CEP162: variants seen among roughly 807,000 people sequenced by gnomAD.
CEP162 encodes the protein centrosomal protein 162, also known as centrosomal protein of 162 kDa.
Under a neutral mutation model 169.2 loss-of-function variants are expected in CEP162, and 141 were observed. The ratio of observed to expected loss-of-function variants is 0.83; its 90% CI spans 0.73 to 0.96. The LOEUF (loss-of-function observed/expected upper bound fraction) is 0.96. Among genes scored for constraint, CEP162 ranks in the 40% least tolerant of loss-of-function variants. CEP162 has a pLI of 0.00. For missense variants in CEP162, 1,600 were observed against 1,587.2 expected, an observed-to-expected ratio of 1.01 and a Z score of -0.14; for synonymous variants, 540 against 526.4, an observed-to-expected ratio of 1.03 and a Z score of -0.35.
Position 84,161,869 on chromosome 6 carries a change from ATG to A in CEP162, c.2551_2552del (p.His851Ter), listed in dbSNP as rs1365473677. ...TTTGCAGACGACTGATTTCTTGTTT[ATG>A]TGTTTCTTCTAAAATTTTTATTTCA... ...LYEIKILEET[H>X]KQEISRLQKR... On this transcript the variant is annotated frameshift_variant, in exon 20 of 27. Coordinates refer to ENST00000403245, the MANE Select transcript of CEP162 (RefSeq NM_014895.4). LOFTEE classifies it high-confidence loss of function. 3 of 1,568,380 alleles carry A rather than the reference ATG, an allele frequency of 1.9e-6. No homozygotes were observed. The highest frequency in any genetic ancestry group is 4.5e-5 in the East Asian group (2 of 44,204).
chr6:84,170,029 T>C (rs2099529379), intron 17 of CEP162, among the ~76,000 whole-genome samples: 1 of 152,128 alleles, frequency 6.6e-6, no homozygotes, highest in East Asian at 1.9e-4. Context: ...AGAAGCCAAG[T>C]AGTACAAGAT....
intron 2 of CEP162, among the ~76,000 whole-genome samples, chr6:84,224,002 C>G (rs1021563251): frequency 6.6e-6 from 1 of 151,882 alleles, no homozygotes; most frequent in African/African-American, 2.4e-5. Flanking sequence ...GGCAAACACA[C>G]AGCTACCATA....
At chr6:84,169,164 C>G (rs1412319576) in intron 18 of CEP162, among the ~76,000 whole-genome samples, 164 bp downstream of exon 18, 1 of 152,050 alleles carries the variant, frequency 6.6e-6, no homozygotes, top group East Asian at 1.9e-4. Flanking sequence ...CATGTGCATA[C>G]TATATGCTAA....
intron 13 of CEP162, among the ~76,000 whole-genome samples, chr6:84,181,434 A>C (rs2099534781): frequency 6.6e-6 from 1 of 152,230 alleles, no homozygotes; most frequent in Admixed American, 6.5e-5. Context: ...TTCAGGACAT[A>C]GGCATGGGCA....
At chr6:84,219,219 T>G (rs1049379363) in intron 3 of CEP162, 8 of 1,147,456 alleles carry the variant, frequency 7.0e-6, no homozygotes, top group Admixed American at 4.6e-5. Context: ...TAATGCCTAG[T>G]ATTTAGAACA....
At chr6:84,149,512 G>A in intron 24 of CEP162, 50 bp downstream of exon 24, 1 of 1,445,386 alleles carries the variant, frequency 6.9e-7, no homozygotes, top group Non-Finnish European at 9.2e-7. Context: ...TCTCATTAAA[G>A]TCAAAACGAG....
chr6:84,222,404 C>T (rs535099346), intron 2 of CEP162, among the ~76,000 whole-genome samples: 3 of 152,258 alleles, frequency 2.0e-5, no homozygotes, highest in African/African-American at 7.2e-5. Flanking sequence ...TGGCTTTTTG[C>T]CCATTTATTT....
chr6:84,146,925 A>AAATT, intron 24 of CEP162, 140 bp from the exon 25 acceptor site: 1 of 428,208 alleles, frequency 2.3e-6, no homozygotes. Context: ...CTATGGAAAA[A>AAATT]AATTATAGAG....
At chr6:84,210,193 G>A (rs1168400569) in intron 6 of CEP162, among the ~76,000 whole-genome samples, 1 of 152,110 alleles carries the variant, frequency 6.6e-6, no homozygotes, top group Non-Finnish European at 1.5e-5. Flanking sequence ...CTCTATCCTT[G>A]TAACTTCAAA....
At chr6:84,158,562 CATTT>C (rs1189975857) in intron 21 of CEP162, among the ~76,000 whole-genome samples, 2 of 152,120 alleles carry the variant, frequency 1.3e-5, no homozygotes, top group Admixed American at 6.5e-5. Context: ...ACTGCTTGCA[CATTT>C]ATTGATATAT....
In CEP162 at chr6:84,174,825, T is replaced by G. The variant is rs149892489; in HGVS notation, c.1927A>C (p.Lys643Gln). Residue 643 changes from lysine to glutamine, a missense_variant, in exon 15 of 27, where the codon AAG becomes CAG. Coordinates refer to ENST00000403245, the MANE Select transcript of CEP162 (RefSeq NM_014895.4). ...IEQIKATFSE[K>Q]EKELENKLEE... ...AACTTATTTTCTAGTTCTTTCTCCT[T>G]TTCTGAGAATGTGGCTTTAATTTGC... 52 of 1,494,074 alleles carry G rather than the reference T, an allele frequency of 3.5e-5. No homozygotes were observed. Among genetic ancestry groups the G allele is most frequent in the Admixed American group, 6.2e-5 (3 of 48,710 alleles). The allele number at this position is 1,494,074 out of a possible 1,614,324, so 92.6% of individuals were successfully genotyped here. A position where few individuals can be genotyped will look rare whatever the true frequency, so the allele number is the denominator to read the frequency against.
At chr6:84,219,142 A>C in intron 3 of CEP162, 1 of 1,281,734 alleles carries the variant, frequency 7.8e-7, no homozygotes, top group Non-Finnish European at 1.0e-6. Context: ...TCTCAAGAGG[A>C]GTGTTGAATT....
chr6:84,223,162 C>A (rs945923296), intron 2 of CEP162, among the ~76,000 whole-genome samples: 1 of 152,144 alleles, frequency 6.6e-6, no homozygotes, highest in African/African-American at 2.4e-5. Flanking sequence ...CAGTGCTTCC[C>A]AGCACTTTCA....
chr6:84,186,479 G>C lies in CEP162; in HGVS notation c.1254C>G (p.Thr418=). 1.2e-6 allele frequency: 2 copies of C among 1,613,016 alleles called. No individual in the cohort carries two copies. Among genetic ancestry groups the C allele is most frequent in the Non-Finnish European group, 1.7e-6 (2 of 1,179,364 alleles). Reference sequence around the variant, plus strand: ...AGCTGTTTTCCATACTCTCATTTGTGGTCTTTTGTAAAATCACATTCTCAT... The same window carrying C: ...AGCTGTTTTCCATACTCTCATTTGTCGTCTTTTGTAAAATCACATTCTCAT... ...KNDENVILQK[T]TNESMENSCP... Residue 418 remains threonine, a synonymous_variant, in exon 12 of 27, where the codon ACC becomes ACG. Coordinates refer to ENST00000403245, the MANE Select transcript of CEP162 (RefSeq NM_014895.4).
intron 9 of CEP162, among the ~76,000 whole-genome samples, 154 bp downstream of exon 9, chr6:84,200,635 A>G (rs530147971): frequency 6.6e-6 from 1 of 152,338 alleles, no homozygotes; most frequent in South Asian, 2.1e-4. Context: ...AGCAAGTTCC[A>G]ATTATTTAAA....
chr6:84,174,674 CT>C (rs61309212), intron 15 of CEP162, 52 bp downstream of exon 15: 126,260 of 614,012 alleles, frequency 0.21, 4,730 homozygotes, highest in African/African-American at 0.47. Flanking sequence ...GGGAATTCAG[CT>C]TTTTTTTTTT....
chr6:84,128,941 G>A (rs1403575868), intron 25 of CEP162, among the ~76,000 whole-genome samples: 1 of 151,784 alleles, frequency 6.6e-6, no homozygotes, highest in Non-Finnish European at 1.5e-5. Context: ...AACATGCGGT[G>A]TTTGGTTTTC....
intron 25 of CEP162, among the ~76,000 whole-genome samples, chr6:84,134,390 G>T (rs144548553): frequency 5.3e-5 from 8 of 152,192 alleles, no homozygotes; most frequent in African/African-American, 1.9e-4. Context: ...CGCCACTGTG[G>T]TATGAAAAAA....
At chr6:84,173,928 G>A (rs1045655106) in intron 16 of CEP162, 120 bp downstream of exon 16, 33 of 712,632 alleles carry the variant, frequency 4.6e-5, no homozygotes, top group Admixed American at 2.2e-4. Flanking sequence ...CAGGTGATCC[G>A]CCCACCTCAT....
Sources: gnomAD v4.1 joint callset for allele counts (sites outside exome capture counted in the v4.1 genomes callset) on GRCh38, gnomAD v4.1.1 for gene constraint, MANE v1.5 for transcripts, NCBI Gene and HGNC (gene_info 2026-07-23, HGNC 2026-07-21) for gene names.